The following SMYD3 variants were observed in gnomAD, a reference collection of about 807,000 sequenced individuals.
The protein encoded by SMYD3 is SET and MYND domain containing 3, also known as histone-lysine N-methyltransferase SMYD3.
Under a neutral mutation model 57.7 loss-of-function variants are expected in SMYD3, and 36 were observed. The ratio of observed to expected loss-of-function variants is 0.62; its 90% CI spans 0.48 to 0.82. The LOEUF (loss-of-function observed/expected upper bound fraction) is 0.82, where lower values mean the gene tolerates loss of function less well. SMYD3 is among the 40% of genes least tolerant of loss of function. The pLI, the probability that SMYD3 is intolerant of heterozygous loss-of-function variation, is 0.00. For synonymous variants in SMYD3, 211 were observed against 195.0 expected (o/e 1.08, Z -0.68); for missense variants, 515 against 538.8 (o/e 0.96, Z 0.44).
intron 5 of SMYD3, among the ~76,000 whole-genome samples, chr1:246,317,588 T>C (rs923000143): frequency 4.6e-5 from 7 of 152,246 alleles, no homozygotes; most frequent in Admixed American, 3.9e-4. Context: ...CACCCATTCA[T>C]TCACGTATTG....
intron 10 of SMYD3, among the ~76,000 whole-genome samples, chr1:245,796,109 G>T (rs2047511069): frequency 6.6e-6 from 1 of 152,078 alleles, no homozygotes; most frequent in South Asian, 2.1e-4. Flanking sequence ...AAATATAAAG[G>T]TCAAGGATAT....
intron 1 of SMYD3, among the ~76,000 whole-genome samples, chr1:246,383,664 C>T (rs1297800132): frequency 6.6e-6 from 1 of 152,146 alleles, no homozygotes; most frequent in Non-Finnish European, 1.5e-5. Context: ...GGAAGATGAT[C>T]AAAATATCAA....
intron 8 of SMYD3, among the ~76,000 whole-genome samples, chr1:245,892,602 C>T (rs537447472): frequency 6.6e-6 from 1 of 152,290 alleles, no homozygotes; most frequent in African/African-American, 2.4e-5. Flanking sequence ...CCAACTTCTG[C>T]TAAATCTAAC....
chr1:246,001,397 T>C (rs371721683), intron 5 of SMYD3, among the ~76,000 whole-genome samples: 6 of 152,156 alleles, frequency 3.9e-5, no homozygotes, highest in African/African-American at 1.4e-4. Flanking sequence ...TTCAACCTTA[T>C]AGGGTGCAGA....
chr1:246,072,877 A>T (rs1392687306), intron 5 of SMYD3, among the ~76,000 whole-genome samples: 1 of 152,234 alleles, frequency 6.6e-6, no homozygotes, highest in Non-Finnish European at 1.5e-5. Flanking sequence ...CTTTGTGTAT[A>T]AGCATGGTGC....
chr1:246,302,158 T>C (rs752839555), intron 5 of SMYD3, among the ~76,000 whole-genome samples: 12 of 152,156 alleles, frequency 7.9e-5, no homozygotes, highest in Non-Finnish European at 1.6e-4. Flanking sequence ...AAATAATAAG[T>C]TACTTTTCCT....
In SMYD3 at chr1:246,427,291, C is replaced by T. The variant is rs1021486184; in HGVS notation, c.165-72197G>A. 2.6e-5 allele frequency among the ~76,000 whole-genome samples: 4 copies of T among 151,744 alleles called. No homozygotes were observed. The South Asian group carries it at 6.2e-4, about 24-fold the overall frequency. ...ATCCCAGCACTTTGGGAGGCCGAGG[C>T]GGGCGGATCACGAGGTCAGGAGATC... On this transcript the variant is annotated intron_variant, in intron 1 of 11. Transcript: ENST00000490107.
chr1:245,973,937 CAT>C, intron 5 of SMYD3, among the ~76,000 whole-genome samples: 1 of 152,308 alleles, frequency 6.6e-6, no homozygotes, highest in East Asian at 1.9e-4. Context: ...AGTATTTTCT[CAT>C]ATGAGAGTCA....
intron 5 of SMYD3, among the ~76,000 whole-genome samples, chr1:245,935,679 C>T (rs918204872): frequency 7.9e-5 from 12 of 152,092 alleles, no homozygotes; most frequent in African/African-American, 2.9e-4. Flanking sequence ...AGTATAGATA[C>T]ACAAATGGAG....
chr1:246,380,611 T>C (rs1558434771), intron 1 of SMYD3, among the ~76,000 whole-genome samples: 1 of 152,364 alleles, frequency 6.6e-6, no homozygotes, highest in East Asian at 1.9e-4. Context: ...TTTTGTACCA[T>C]GGCTCTGGTA....
At chr1:246,495,172 A>G (rs1338017524) in intron 1 of SMYD3, among the ~76,000 whole-genome samples, 5 of 151,826 alleles carry the variant, frequency 3.3e-5, no homozygotes, top group Non-Finnish European at 7.4e-5. Context: ...ACACGGTGAA[A>G]CCCCATCTCT....
At chr1:245,839,212 C>G (rs909160391) in intron 10 of SMYD3, among the ~76,000 whole-genome samples, 3 of 152,078 alleles carry the variant, frequency 2.0e-5, no homozygotes, top group African/African-American at 7.2e-5. Context: ...CTCTTTCGCC[C>G]AGGCCGGACT....
chr1:246,106,329 C>T (rs1468908731), intron 5 of SMYD3, among the ~76,000 whole-genome samples: 1 of 152,186 alleles, frequency 6.6e-6, no homozygotes, highest in Non-Finnish European at 1.5e-5. Flanking sequence ...TTTAAGATTA[C>T]TGCAGTCTGA....
At chr1:246,463,699 T>A (rs1206599689) in intron 1 of SMYD3, among the ~76,000 whole-genome samples, 12 of 143,240 alleles carry the variant, frequency 8.4e-5, no homozygotes, top group Admixed American at 7.8e-4. Context: ...AGCTGGGTGT[T>A]GTGGCGGGCG....
intron 5 of SMYD3, among the ~76,000 whole-genome samples, chr1:246,178,517 G>A (rs191098395): frequency 5.3e-5 from 8 of 152,220 alleles, no homozygotes; most frequent in South Asian, 4.1e-4. Flanking sequence ...GTATTTTCAC[G>A]CTTGCCACAT....
At chr1:246,345,802 T>A (rs1384891874) in intron 2 of SMYD3, among the ~76,000 whole-genome samples, 2 of 152,170 alleles carry the variant, frequency 1.3e-5, no homozygotes, top group Non-Finnish European at 2.9e-5. Flanking sequence ...TGTCTGGCCC[T>A]AACACCCTAA....
chr1:246,380,493 T>C lies in SMYD3; in HGVS notation c.165-25399A>G, dbSNP rs1347742295. Among the ~76,000 whole-genome samples the C allele has an allele frequency of 2.6e-5, 4 of 152,254 alleles. No homozygotes were observed. The East Asian group carries it at 7.7e-4, about 29-fold the overall frequency. On this transcript the variant is annotated intron_variant, in intron 1 of 11. Coordinates refer to ENST00000490107, the MANE Select transcript of SMYD3 (RefSeq NM_001167740.2). ...ATGCTTTTTAAAAACTATGTGATATTTTAAATGGAAAATGTTAATTATCTT... is the reference window on the plus strand; with the variant it reads ...ATGCTTTTTAAAAACTATGTGATATCTTAAATGGAAAATGTTAATTATCTT...
chr1:245,955,470 A>G (rs2057811744), intron 5 of SMYD3, among the ~76,000 whole-genome samples: 1 of 152,096 alleles, frequency 6.6e-6, no homozygotes, highest in South Asian at 2.1e-4. Flanking sequence ...TCTTTTAAAA[A>G]TATCTTTTTC....
chr1:246,157,597 C>T (rs2062041621), intron 5 of SMYD3, among the ~76,000 whole-genome samples: 1 of 152,080 alleles, frequency 6.6e-6, no homozygotes, highest in Admixed American at 6.5e-5. Context: ...ACCTGGATAG[C>T]CTGTCCTAAA....
Sources: gnomAD v4.1 joint callset for allele counts (sites outside exome capture counted in the v4.1 genomes callset) on GRCh38, gnomAD v4.1.1 for gene constraint, MANE v1.5 for transcripts, NCBI Gene and HGNC (gene_info 2026-07-23, HGNC 2026-07-21) for gene names.